Variants in TPH1 observed in about 807,000 individuals in gnomAD.
TPH1 encodes tryptophan 5-hydroxylase 1.
TPH1 carries 37 observed loss-of-function variants against 49.5 expected under a neutral mutation model. The observed-to-expected ratio is 0.75, with a 90% confidence interval of 0.58 to 0.98. The LOEUF is 0.98. TPH1 is among the 50% of genes least tolerant of loss of function. TPH1 has a pLI of 0.00. For synonymous variants in TPH1, 160 were observed against 182.1 expected (o/e 0.88, Z 0.98); for missense variants, 487 against 523.6 (o/e 0.93, Z 0.68).
At position 18,021,071 on chromosome 11, in the gene TPH1, TG is replaced by T; in HGVS notation, c.1254del (p.Ser419ValfsTer3). 2 of 1,614,182 alleles carry T rather than the reference TG, an allele frequency of 1.2e-6. No individual in the cohort carries two copies. Among genetic ancestry groups the T allele is most frequent in the Non-Finnish European group, 8.5e-7 (1 of 1,180,010 alleles). ...TCATGCTGCAGCTCATTCATGGCAC[TG>T]GTTATGCTCTTGGTGTCTTTCAGGA... Reference protein sequence around the residue: ...IQILKDTKSITSAMNELQHDL... With the variant: ...IQILKDTKSIXSAMNELQHDL... On this transcript the variant is annotated frameshift_variant, in exon 11 of 11. Coordinates refer to ENST00000682019, the MANE Select transcript of TPH1 (RefSeq NM_004179.3). LOFTEE classifies it high-confidence loss of function.
intron 6 of TPH1, 84 bp downstream of exon 6, chr11:18,029,081 C>CAGAA: frequency 3.7e-6 from 2 of 536,582 alleles, no homozygotes; most frequent in Non-Finnish European, 6.0e-6. Flanking sequence ...GACTCTGTCT[C>CAGAA]AAAAAAAAAA....
At chr11:18,027,736 C>T (rs756041982) in intron 6 of TPH1, among the ~76,000 whole-genome samples, 5 of 152,186 alleles carry the variant, frequency 3.3e-5, no homozygotes, top group African/African-American at 4.8e-5. Flanking sequence ...TTACAACTTC[C>T]GTAGCATATA....
chr11:18,037,476 C>T (rs979828026), intron 2 of TPH1, among the ~76,000 whole-genome samples: 1 of 151,624 alleles, frequency 6.6e-6, no homozygotes, highest in African/African-American at 2.4e-5. Flanking sequence ...TAATTTATCA[C>T]AGAATCAATA....
chr11:18,026,480 A>G lies in TPH1; in HGVS notation c.803+10T>C. On this transcript the variant is annotated intron_variant, in intron 7 of 10. Transcript: ENST00000682019. ...TTTGATGAATTCCTGGCTGAAATAG[A>G]AGTACTTACGGCTCTGGGGTATAGA... 1 of 1,613,370 alleles carries G rather than the reference A, an allele frequency of 6.2e-7. No homozygotes were observed. Among genetic ancestry groups the G allele is most frequent in the Non-Finnish European group, 8.5e-7 (1 of 1,179,654 alleles).
intron 10 of TPH1, 74 bp from the exon 11 acceptor site, chr11:18,021,239 A>G (rs1353986533): frequency 7.6e-6 from 11 of 1,448,492 alleles, no homozygotes; most frequent in South Asian, 1.1e-5. Context: ...ACAACAGAAT[A>G]TATTTCACAT....
intron 9 of TPH1, 55 bp downstream of exon 9, chr11:18,023,833 T>C: frequency 1.4e-6 from 2 of 1,419,884 alleles, no homozygotes; most frequent in South Asian, 2.3e-5. Flanking sequence ...CTATTTCAGG[T>C]TTTATCAATT....
At chr11:18,030,924 G>A (rs979961038) in intron 4 of TPH1, among the ~76,000 whole-genome samples, 1 of 152,190 alleles carries the variant, frequency 6.6e-6, no homozygotes, top group Non-Finnish European at 1.5e-5. Flanking sequence ...GGAGCTTGGA[G>A]TTTAGCCTTG....
rs1245778938 is a variant in TPH1, at chr11:18,044,383, C to T, written c.-27+1858G>A. On this transcript the variant is annotated intron_variant, in intron 1 of 10. Coordinates refer to ENST00000682019, the MANE Select transcript of TPH1 (RefSeq NM_004179.3). ...GTTGCAGTGAGCCAGGATCACGCCACTGCACTCCAGCCCAGGTGACAGAGC... is the reference window on the plus strand; with the variant it reads ...GTTGCAGTGAGCCAGGATCACGCCATTGCACTCCAGCCCAGGTGACAGAGC... Among the ~76,000 whole-genome samples, 5 of 152,208 alleles carry T rather than the reference C, an allele frequency of 3.3e-5. No homozygotes were observed. The South Asian group carries it at 6.2e-4, about 19-fold the overall frequency.
At chr11:18,029,988 CTT>C (rs963548880) in intron 4 of TPH1, among the ~76,000 whole-genome samples, 1 of 152,050 alleles carries the variant, frequency 6.6e-6, no homozygotes, top group African/African-American at 2.4e-5. Context: ...GAAATAGTGA[CTT>C]AACTGAATCT....
Position 18,025,588 on chromosome 11 carries a change from T to C in TPH1, c.917A>G (p.Gln306Arg). ...ASLGASEEAVQKLATCYFFTV... is the reference protein window; with the variant it reads ...ASLGASEEAVRKLATCYFFTV... Reference sequence around the variant, plus strand: ...CCAGATTTATACCGTTGCCAGTTTTTGAACAGCCTCCTCTGAAGCGCCAAG... The same window carrying C: ...CCAGATTTATACCGTTGCCAGTTTTCGAACAGCCTCCTCTGAAGCGCCAAG... Residue 306 changes from glutamine to arginine, a missense_variant, in exon 8 of 11, where the codon CAA (glutamine) becomes CGA (arginine). Physicochemically the swap from Gln to Arg is conservative, Grantham distance 43. Transcript: ENST00000682019. 6.2e-7 allele frequency: 1 copy of C among 1,613,938 alleles called. No individual in the cohort carries two copies. Among genetic ancestry groups the C allele is most frequent in the Non-Finnish European group, 8.5e-7 (1 of 1,179,816 alleles).
At chr11:18,045,936 T>A (rs1466319517) in intron 1 of TPH1, among the ~76,000 whole-genome samples, 3 of 152,138 alleles carry the variant, frequency 2.0e-5, no homozygotes, top group Non-Finnish European at 4.4e-5. Context: ...GACCCCACTT[T>A]CCTCATCTGG....
chr11:18,028,896 C>A (rs2134028321), intron 6 of TPH1, among the ~76,000 whole-genome samples: 1 of 152,060 alleles, frequency 6.6e-6, no homozygotes, highest in Admixed American at 6.5e-5. Context: ...GAAACCCCAT[C>A]CCTACTAAAA....
intron 1 of TPH1, among the ~76,000 whole-genome samples, chr11:18,041,959 C>G (rs1056569544): frequency 1.3e-5 from 2 of 152,138 alleles, no homozygotes; most frequent in African/African-American, 4.8e-5. Context: ...CACACTTGTT[C>G]ATGGGGAAGG....
At position 18,021,110 on chromosome 11, in the gene TPH1, G is replaced by A. The variant is rs151168710; in HGVS notation, c.1216C>T (p.Arg406Trp). The A allele has an allele frequency of 2.8e-5, 45 of 1,613,420 alleles. No homozygotes were observed. The highest frequency in any genetic ancestry group is 1.3e-4 in the Admixed American group (8 of 59,988). ...GTGTCTTTCAGGATCTGAATACTCCGTGTATATGGATTATACTTCACTCCA... is the reference window on the plus strand; with the variant it reads ...GTGTCTTTCAGGATCTGAATACTCCATGTATATGGATTATACTTCACTCCA... ...PFGVKYNPYT[R>W]SIQILKDTKS... Residue 406 changes from arginine to tryptophan, a missense_variant, in exon 11 of 11, where the codon CGG (arginine) becomes TGG (tryptophan). Physicochemically the swap from Arg to Trp is moderately radical, Grantham distance 101. Coordinates refer to ENST00000682019, the MANE Select transcript of TPH1 (RefSeq NM_004179.3).
intron 6 of TPH1, among the ~76,000 whole-genome samples, 185 bp downstream of exon 6, chr11:18,028,980 G>A (rs1035886519): frequency 3.3e-5 from 5 of 150,356 alleles, no homozygotes; most frequent in South Asian, 2.1e-4. Context: ...CAAGAGAATC[G>A]CTTGAACCCA....
chr11:18,040,499 CT>C (rs1278290307), intron 2 of TPH1, 146 bp downstream of exon 2: 3 of 703,326 alleles, frequency 4.3e-6, no homozygotes, highest in Non-Finnish European at 6.7e-6. Context: ...TCCCAGGTAG[CT>C]GGAACTACAG....
In TPH1 at chr11:18,018,713, A is replaced by G. The variant is rs1304662866; in HGVS notation, c.*2278T>C. ...AAAAAAAAAAAAAAAAAAAAATTCC[A>G]TTGTTCTGAAGTTGTGGATTATAAG... On this transcript the variant is annotated 3_prime_UTR_variant, in exon 11 of 11. Coordinates refer to ENST00000682019, the MANE Select transcript of TPH1 (RefSeq NM_004179.3). 1 of 135,426 alleles carries G rather than the reference A, an allele frequency of 7.4e-6. No homozygotes were observed. Among genetic ancestry groups the G allele is most frequent in the African/African-American group, 2.8e-5 (1 of 35,972 alleles). 8.4% of individuals were successfully genotyped at this position (135,426 alleles called of 1,614,324 possible). A position where few individuals can be genotyped will look rare whatever the true frequency, so the allele number is the denominator to read the frequency against.
rs138497293 is a variant in TPH1, at chr11:18,025,668, C to T, written c.837G>A (p.Pro279=). 3.7e-5 allele frequency: 60 copies of T among 1,613,948 alleles called. No homozygotes were observed. In the African/African-American group the frequency reaches 5.2e-4, roughly 14 times the overall value. The change falls in exon 8 of 11, where the codon CCG becomes CCA. Residue 279 remains proline, a synonymous_variant. Transcript: ENST00000682019. ...GGGCAAAACTAGGTTCAGCCAAAAGCGGGACATGACCTAAGAGTTCATGGC... is the reference window on the plus strand; with the variant it reads ...GGGCAAAACTAGGTTCAGCCAAAAGTGGGACATGACCTAAGAGTTCATGGC... ...DTCHELLGHV[P]LLAEPSFAQF...
At chr11:18,031,273 T>C (rs76181050) in intron 4 of TPH1, among the ~76,000 whole-genome samples, 3,944 of 152,278 alleles carry the variant, frequency 0.026, 154 homozygotes, top group African/African-American at 0.09. Context: ...TCAAGGTTCA[T>C]CTATGTTGTA....
Sources: gnomAD v4.1 joint callset for allele counts (sites outside exome capture counted in the v4.1 genomes callset) on GRCh38, gnomAD v4.1.1 for gene constraint, MANE v1.5 for transcripts, NCBI Gene and HGNC (gene_info 2026-07-23, HGNC 2026-07-21) for gene names.